The following THSD7A variants were observed in gnomAD, a reference collection of about 807,000 sequenced individuals.
THSD7A encodes thrombospondin type-1 domain-containing protein 7A.
In THSD7A, 96 loss-of-function variants were observed where a neutral mutation model predicts 231.3. The observed-to-expected ratio is 0.41, with a 90% CI of 0.35 to 0.49. THSD7A has a LOEUF of 0.49. Ranked by LOEUF, THSD7A falls within the 20% of genes least tolerant of loss-of-function variation. The pLI, the probability that THSD7A is intolerant of heterozygous loss-of-function variation, is 0.05. For synonymous variants in THSD7A, 940 were observed against 743.3 expected (o/e 1.26, Z -4.30); for missense variants, 2,290 against 2,070.2 (o/e 1.11, Z -2.06).
chr7:11,482,024 A>G (rs745489535), intron 6 of THSD7A, 42 bp from the exon 7 acceptor site: 1 of 1,532,734 alleles, frequency 6.5e-7, no homozygotes. Flanking sequence ...TTGTTAAATT[A>G]ATGTAAAATG....
At chr7:11,750,285 C>A (rs1273044372) in intron 1 of THSD7A, among the ~76,000 whole-genome samples, 2 of 151,646 alleles carry the variant, frequency 1.3e-5, no homozygotes, top group African/African-American at 4.8e-5. Flanking sequence ...TTAGGAACAC[C>A]TTGCCCAAAC....
chr7:11,383,293 A>C (rs1244733724), intron 23 of THSD7A, among the ~76,000 whole-genome samples: 2 of 152,084 alleles, frequency 1.3e-5, no homozygotes, highest in African/African-American at 4.8e-5. Context: ...TAAAAAATGT[A>C]GTACAGTCAG....
In THSD7A at chr7:11,444,046, A is replaced by C. The variant is rs1045076869; in HGVS notation, c.3064+2015T>G. Among the ~76,000 whole-genome samples, 1 of 152,142 alleles carries C rather than the reference A, an allele frequency of 6.6e-6. No homozygotes were observed. The highest frequency in any genetic ancestry group is 2.4e-5 in the African/African-American group (1 of 41,450). On this transcript the variant is annotated intron_variant, in intron 13 of 27. Coordinates refer to ENST00000423059, the MANE Select transcript of THSD7A (RefSeq NM_015204.3). This position sits in a 1 kb window ranked among gnomAD's most constrained non-coding sequence, Gnocchi z 4.2. ...TTTATGTGGCTAACAAACATATGAA[A>C]AAAAGCTCATCATCACTGGTCATTA... is the stretch of plus-strand genomic sequence containing the variant.
Position 11,814,673 on chromosome 7 carries a change from C to T in THSD7A, c.190+17084G>A, listed in dbSNP as rs927411056. 6.6e-6 allele frequency among the ~76,000 whole-genome samples: 1 copy of T among 152,084 alleles called. No homozygotes were observed. The highest frequency in any genetic ancestry group is 2.4e-5 in the African/African-American group (1 of 41,396). ...TCTCTTATACAATGAGCCAAGAGAACTAAAGAAATTACATTAAATATTGCA... is the reference window on the plus strand; with the variant it reads ...TCTCTTATACAATGAGCCAAGAGAATTAAAGAAATTACATTAAATATTGCA... On this transcript the variant is annotated intron_variant, in intron 1 of 27. Transcript: ENST00000423059. This position sits in a 1 kb window ranked among gnomAD's most constrained non-coding sequence, Gnocchi z 5.1.
intron 6 of THSD7A, among the ~76,000 whole-genome samples, chr7:11,505,265 G>A (rs577151324): frequency 2.0e-4 from 30 of 152,024 alleles, no homozygotes; most frequent in South Asian, 8.3e-4. Context: ...TTCATTAATC[G>A]TCCAAATTCT....
chr7:11,803,411 T>G (rs1583303725), intron 1 of THSD7A, among the ~76,000 whole-genome samples: 1 of 152,252 alleles, frequency 6.6e-6, no homozygotes, highest in East Asian at 1.9e-4. Context: ...ATTTTCTCCA[T>G]TTTGGCATAA....
In THSD7A at chr7:11,763,683, C is replaced by A. The variant is rs62433412; in HGVS notation, c.190+68074G>T. Among the ~76,000 whole-genome samples, 860 of 152,144 alleles carry A rather than the reference C, an allele frequency of 5.7e-3. 10 individuals carry two copies. The highest frequency in any genetic ancestry group is 0.024 in the Middle Eastern group (7 of 290). ...GTTAGTTTTTTTAATCACAATAACT[C>A]ATTCTTTGAATGTCATTTCCCTTAA... is the stretch of plus-strand genomic sequence containing the variant. On this transcript the variant is annotated intron_variant, in intron 1 of 27. Transcript: ENST00000423059.
chr7:11,401,702 G>A (rs1022507969), intron 23 of THSD7A, 93 bp downstream of exon 23: 31 of 1,214,314 alleles, frequency 2.6e-5, no homozygotes, highest in African/African-American at 6.2e-5. Flanking sequence ...GTGAGCCACC[G>A]CACGTGGCCA....
intron 2 of THSD7A, among the ~76,000 whole-genome samples, chr7:11,628,162 C>A (rs1460121936): frequency 1.3e-5 from 2 of 151,660 alleles, no homozygotes; most frequent in East Asian, 1.9e-4. Context: ...TGTTAAAAAC[C>A]CTGTTACTAA....
chr7:11,715,085 T>A (rs932745205), intron 1 of THSD7A, among the ~76,000 whole-genome samples: 1 of 151,426 alleles, frequency 6.6e-6, no homozygotes, highest in South Asian at 2.1e-4. Context: ...GGATCAGGAA[T>A]TGAACATACT....
chr7:11,537,803 A>G (rs1277205450), intron 6 of THSD7A, among the ~76,000 whole-genome samples: 1 of 152,206 alleles, frequency 6.6e-6, no homozygotes, highest in Non-Finnish European at 1.5e-5. Context: ...TTTTGATGAT[A>G]TGTAGAAATG....
chr7:11,793,032 T>C (rs4721014), intron 1 of THSD7A, among the ~76,000 whole-genome samples: 83,576 of 151,650 alleles, frequency 0.55, 23,639 homozygotes, highest in Middle Eastern at 0.75. Context: ...TAATAAGTTA[T>C]GATGGGAAAC....
chr7:11,551,261 A>G (rs1460226765), intron 4 of THSD7A, among the ~76,000 whole-genome samples: 1 of 152,108 alleles, frequency 6.6e-6, no homozygotes, highest in African/African-American at 2.4e-5. Flanking sequence ...CCTAGGAAAT[A>G]CCATTCTGGA....
intron 6 of THSD7A, among the ~76,000 whole-genome samples, chr7:11,494,531 A>T (rs1168858805): frequency 6.6e-6 from 1 of 152,068 alleles, no homozygotes; most frequent in Non-Finnish European, 1.5e-5. Flanking sequence ...TTATACACTG[A>T]TTATTACATC....
rs552018287 is a variant in THSD7A at position 11,636,563 on chromosome 7, C to G, written c.589G>C (p.Val197Leu). 6.2e-7 allele frequency: 1 copy of G among 1,613,984 alleles called. No individual in the cohort carries two copies. Among genetic ancestry groups the G allele is most frequent in the Non-Finnish European group, 8.5e-7 (1 of 1,179,898 alleles). ...CLIPCQQDCI[V>L]SEFSAWSECS... is the part of the protein sequence containing the mutation. ...TCGGACCAGGCAGAAAATTCAGACACGATGCAATCTTGCTGGCAAGGAATG... is the reference window on the plus strand; with the variant it reads ...TCGGACCAGGCAGAAAATTCAGACAGGATGCAATCTTGCTGGCAAGGAATG... The change falls in exon 2 of 28, where the codon GTG becomes CTG. Residue 197 changes from valine (V) to leucine (L), a missense_variant. Coordinates refer to ENST00000423059, the MANE Select transcript of THSD7A (RefSeq NM_015204.3). The surrounding 1 kb of genome is among the most constrained non-coding windows in gnomAD (Gnocchi z 10.0).
Position 11,447,331 on chromosome 7 carries a change from T to C in THSD7A, c.2699A>G (p.Gln900Arg). ...TTGACAGTCATCCTGGCAGGGGATC[T>C]GGCAGGCCTGGGTAAGGGCTGGCAC... Reference protein sequence around the residue: ...GPVPALTQACQIPCQDDCQLT... With the variant: ...GPVPALTQACRIPCQDDCQLT... The change falls in exon 12 of 28, where the codon CAG (glutamine) becomes CGG (arginine). Residue 900 changes from glutamine to arginine, a missense_variant. Coordinates refer to ENST00000423059, the MANE Select transcript of THSD7A (RefSeq NM_015204.3). The C allele has an allele frequency of 6.2e-7, 1 of 1,612,838 alleles. No homozygotes were observed. Among genetic ancestry groups the C allele is most frequent in the Non-Finnish European group, 8.5e-7 (1 of 1,179,368 alleles).
chr7:11,452,438 TGA>T (rs1156644869), intron 11 of THSD7A, among the ~76,000 whole-genome samples: 2 of 152,044 alleles, frequency 1.3e-5, no homozygotes, highest in South Asian at 4.1e-4. Flanking sequence ...TACAATTTGT[TGA>T]GTGTAGCCCT....
rs544101786 is a variant in THSD7A, at chr7:11,769,413, T to C, written c.190+62344A>G. Among the ~76,000 whole-genome samples the C allele has an allele frequency of 4.6e-5, 7 of 151,950 alleles. No homozygotes were observed. In the East Asian group the frequency reaches 1.4e-3, roughly 30 times the overall value. On this transcript the variant is annotated intron_variant, in intron 1 of 27. Transcript: ENST00000423059. ...TTAAATCATCAATTGTGTTGATCCC[T>C]TGGCTGGGACTTAAGGCAGTGAGTC...
intron 1 of THSD7A, among the ~76,000 whole-genome samples, chr7:11,675,460 A>G (rs1320605906): frequency 6.6e-6 from 1 of 152,156 alleles, no homozygotes; most frequent in Non-Finnish European, 1.5e-5. Context: ...GAAGCCAAGC[A>G]GTCTTGCTTA....
Sources: gnomAD v4.1 joint callset for allele counts (sites outside exome capture counted in the v4.1 genomes callset) on GRCh38, gnomAD v4.1.1 for gene constraint, Gnocchi (gnomAD v3.1) non-coding constraint, MANE v1.5 for transcripts, NCBI Gene and HGNC (gene_info 2026-07-23, HGNC 2026-07-21) for gene names.